STT3B: variants seen among roughly 807,000 people sequenced by gnomAD.
The protein encoded by STT3B is STT3 oligosaccharyltransferase complex catalytic subunit B.
A neutral mutation model predicts 96.8 loss-of-function variants in STT3B; 29 were observed. The observed-to-expected ratio is 0.30, with a 90% CI of 0.22 to 0.41. The LOEUF (loss-of-function observed/expected upper bound fraction) is 0.41. Ranked by LOEUF, STT3B falls within the 10% of genes least tolerant of loss-of-function variation. The probability of loss-of-function intolerance (pLI) is 1.00; values close to 1 mark genes in which losing one functional copy is unlikely to be tolerated. For synonymous variants in STT3B, 367 were observed against 360.0 expected (o/e 1.02, Z -0.22); for missense variants, 640 against 1,022.3 (o/e 0.63, Z 5.10).
chr3:31,581,453 A>T (rs1389964278), intron 3 of STT3B, among the ~76,000 whole-genome samples: 2 of 152,224 alleles, frequency 1.3e-5, no homozygotes, highest in African/African-American at 2.4e-5. Flanking sequence ...GTGGACATTT[A>T]TGCAACAGAA....
rs201481199 is a variant in STT3B, at chr3:31,547,412, C to T, written c.314+14100C>T. Among the ~76,000 whole-genome samples the T allele has an allele frequency of 4.6e-5, 7 of 152,176 alleles. No homozygotes were observed. In the East Asian group the frequency reaches 1.4e-3, roughly 29 times the overall value. ...GTGGCTCACACCTGTCATTTCCACA[C>T]TTTGGGAGGATCACTTGAGGTCAGG... On this transcript the variant is annotated intron_variant, in intron 1 of 15. Transcript: ENST00000295770.
intron 3 of STT3B, among the ~76,000 whole-genome samples, chr3:31,593,338 C>T (rs1671670224): frequency 6.6e-6 from 1 of 151,858 alleles, no homozygotes; most frequent in African/African-American, 2.4e-5. Flanking sequence ...ATCGTTACTT[C>T]CTTGTGGGTT....
chr3:31,533,221 A>G lies in STT3B; in HGVS notation c.223A>G (p.Thr75Ala). The change falls in exon 1 of 16, where the codon ACC (threonine) becomes GCC (alanine). Residue 75 changes from threonine (T) to alanine (A), a missense_variant. Thr to Ala is a moderately conservative substitution (Grantham distance 58, BLOSUM62 0). Transcript: ENST00000295770. ...PAGWQSLLSF[T>A]ILFLAWLAGF... is the part of the protein sequence containing the mutation. Reference sequence around the variant, plus strand: ...TGGGTGGCAGTCGCTTCTCTCCTTCACCATCCTCTTCCTGGCCTGGCTTGC... The same window carrying G: ...TGGGTGGCAGTCGCTTCTCTCCTTCGCCATCCTCTTCCTGGCCTGGCTTGC... The G allele has an allele frequency of 1.4e-6, 2 of 1,477,346 alleles. No homozygotes were observed. Among genetic ancestry groups the G allele is most frequent in the East Asian group, 3.0e-5 (1 of 33,022 alleles). The allele number at this position is 1,477,346 out of a possible 1,614,324, so 91.5% of individuals were successfully genotyped here.
intron 2 of STT3B, among the ~76,000 whole-genome samples, chr3:31,577,569 TGA>T (rs1575422809): frequency 6.6e-6 from 1 of 152,194 alleles, no homozygotes; most frequent in East Asian, 1.9e-4. Flanking sequence ...TAAAATTTAT[TGA>T]GACTTGACTT....
chr3:31,582,310 T>TC (rs1698424676), intron 3 of STT3B, among the ~76,000 whole-genome samples: 2 of 150,796 alleles, frequency 1.3e-5, no homozygotes, highest in Non-Finnish European at 3.0e-5. Context: ...CTTTTTTTTT[T>TC]TTTTGGAGAC....
At chr3:31,560,624 T>A (rs1159823580) in intron 1 of STT3B, among the ~76,000 whole-genome samples, 1 of 152,104 alleles carries the variant, frequency 6.6e-6, no homozygotes, top group African/African-American at 2.4e-5. Context: ...CTTTTATTAG[T>A]CTTATGGGGG....
Position 31,626,012 on chromosome 3 carries a change from A to T in STT3B, c.1958A>T (p.Asp653Val). ...TAAYKIMRTL[D>V]VDYVLVIFGG... Reference sequence around the variant, plus strand: ...GCCTATAAAATCATGAGGACTCTAGATGTAGATTATGTTTTGGTTATTTTT... The same window carrying T: ...GCCTATAAAATCATGAGGACTCTAGTTGTAGATTATGTTTTGGTTATTTTT... The change falls in exon 13 of 16, where the codon GAT becomes GTT. Residue 653 changes from aspartate (D) to valine (V), a missense_variant. Around this residue, in one of 8 missense-constraint regions of STT3B, gnomAD observed 149 missense variants for 250.2 expected, o/e 0.60. Transcript: ENST00000295770. The T allele has an allele frequency of 1.2e-6, 2 of 1,613,716 alleles. No homozygotes were observed. Among genetic ancestry groups the T allele is most frequent in the Non-Finnish European group, 1.7e-6 (2 of 1,179,818 alleles).
intron 1 of STT3B, among the ~76,000 whole-genome samples, chr3:31,567,629 C>G (rs1042203225): frequency 6.6e-6 from 1 of 152,050 alleles, no homozygotes; most frequent in Non-Finnish European, 1.5e-5. Context: ...ACATACGAAA[C>G]CCTTTGCCAC....
At chr3:31,574,392 A>C (rs748025863) in intron 1 of STT3B, among the ~76,000 whole-genome samples, 7 of 152,132 alleles carry the variant, frequency 4.6e-5, no homozygotes, top group African/African-American at 1.2e-4. Flanking sequence ...GATGCTTAGC[A>C]CAGTGTTTAA....
chr3:31,599,785 A>G (rs902162204), intron 4 of STT3B, among the ~76,000 whole-genome samples: 1 of 152,198 alleles, frequency 6.6e-6, no homozygotes, highest in African/African-American at 2.4e-5. Flanking sequence ...TAAATAGTGT[A>G]TATTGTATAA....
At chr3:31,591,061 A>G (rs1382955160) in intron 3 of STT3B, among the ~76,000 whole-genome samples, 5 of 152,102 alleles carry the variant, frequency 3.3e-5, no homozygotes. Context: ...TCTATCTTCA[A>G]CAATATGGTT....
At position 31,632,926 on chromosome 3, in the gene STT3B, C is replaced by T. The variant is rs745364825; in HGVS notation, c.2188-9C>T. The T allele has an allele frequency of 1.2e-6, 2 of 1,612,810 alleles. No homozygotes were observed. Among genetic ancestry groups the T allele is most frequent in the Non-Finnish European group, 8.5e-7 (1 of 1,179,370 alleles). ...TGGTTAACACCCAATAATAATGTCACTTTTGCAGCTGGATTTTCGTACACC... is the reference window on the plus strand; with the variant it reads ...TGGTTAACACCCAATAATAATGTCATTTTTGCAGCTGGATTTTCGTACACC... On this transcript the variant is annotated splice_polypyrimidine_tract_variant and intron_variant, in intron 14 of 15. Transcript: ENST00000295770.
chr3:31,634,682 A>C (rs1401835260), intron 15 of STT3B, among the ~76,000 whole-genome samples: 1 of 152,204 alleles, frequency 6.6e-6, no homozygotes, highest in Non-Finnish European at 1.5e-5. Context: ...TAGAAATTGT[A>C]GTCCAGGCTG....
intron 3 of STT3B, among the ~76,000 whole-genome samples, chr3:31,585,782 T>C (rs1466086586): frequency 6.6e-6 from 1 of 152,128 alleles, no homozygotes; most frequent in African/African-American, 2.4e-5. Flanking sequence ...ATAATATTTT[T>C]GAGAATGTCA....
intron 1 of STT3B, among the ~76,000 whole-genome samples, chr3:31,576,131 T>C (rs565611261): frequency 1.3e-5 from 2 of 152,276 alleles, no homozygotes; most frequent in South Asian, 2.1e-4. Flanking sequence ...TGAACTTCTT[T>C]ATAGCCCTCT....
At chr3:31,592,166 C>T (rs1698680092) in intron 3 of STT3B, among the ~76,000 whole-genome samples, 1 of 152,116 alleles carries the variant, frequency 6.6e-6, no homozygotes, top group African/African-American at 2.4e-5. Flanking sequence ...AAATTTTTGT[C>T]TCTATGATTT....
At chr3:31,605,811 A>G (rs1235802562) in intron 5 of STT3B, among the ~76,000 whole-genome samples, 6 of 152,206 alleles carry the variant, frequency 3.9e-5, no homozygotes, top group African/African-American at 1.4e-4. Context: ...TAACAGACAG[A>G]TAGATATTGG....
intron 1 of STT3B, among the ~76,000 whole-genome samples, chr3:31,536,083 A>C (rs902060111): frequency 6.6e-6 from 1 of 151,772 alleles, no homozygotes; most frequent in Non-Finnish European, 1.5e-5. Flanking sequence ...TTTTTTTTTC[A>C]TGTCTTTTGA....
intron 1 of STT3B, among the ~76,000 whole-genome samples, chr3:31,574,709 T>G (rs1002152653): frequency 6.6e-6 from 1 of 152,150 alleles, no homozygotes; most frequent in African/African-American, 2.4e-5. Context: ...CTCAGAAATT[T>G]GGATATATTA....
Sources: allele counts gnomAD v4.1 joint callset (sites outside exome capture counted in the v4.1 genomes callset), GRCh38; gene constraint gnomAD v4.1.1; regional missense constraint gnomAD v4.1.1; transcripts MANE v1.5; gene names NCBI Gene and HGNC (gene_info 2026-07-23, HGNC 2026-07-21).